Variants in RAB12 observed in about 807,000 individuals in gnomAD.
The protein encoded by RAB12 is ras-related protein Rab-12.
A neutral mutation model predicts 28.4 loss-of-function variants in RAB12; 11 were observed. That is an observed-to-expected ratio of 0.39 (90% CI 0.24 to 0.64). The LOEUF (loss-of-function observed/expected upper bound fraction) is 0.64. Among genes scored for constraint, RAB12 ranks in the 30% least tolerant of loss-of-function variants. The probability of loss-of-function intolerance (pLI) is 0.50; values close to 1 mark genes in which losing one functional copy is unlikely to be tolerated. For synonymous variants in RAB12, 138 were observed against 145.3 expected, an observed-to-expected ratio of 0.95 and a Z score of 0.36; for missense variants, 276 against 351.1, an observed-to-expected ratio of 0.79 and a Z score of 1.71.
At chr18:8,611,912 A>C (rs891692318) in intron 1 of RAB12, among the ~76,000 whole-genome samples, 10 of 152,344 alleles carry the variant, frequency 6.6e-5, no homozygotes, top group African/African-American at 2.4e-4. Flanking sequence ...TTTAGTACTC[A>C]GTGCGTGCTT....
At chr18:8,622,791 C>A (rs1481074014) in intron 1 of RAB12, among the ~76,000 whole-genome samples, 1 of 152,156 alleles carries the variant, frequency 6.6e-6, no homozygotes, top group Non-Finnish European at 1.5e-5. Flanking sequence ...ACAGCCTTGA[C>A]CATAGAAGAC....
At chr18:8,625,382 A>G (rs928587588) in intron 2 of RAB12, among the ~76,000 whole-genome samples, 2 of 152,218 alleles carry the variant, frequency 1.3e-5, no homozygotes, top group African/African-American at 4.8e-5. Context: ...GTTCATAACC[A>G]GATTTGCACA....
chr18:8,636,192 A>C, intron 4 of RAB12, 61 bp from the exon 5 acceptor site: 1 of 1,097,656 alleles, frequency 9.1e-7, no homozygotes, highest in Non-Finnish European at 1.4e-6. Context: ...CAGAGACCTC[A>C]TGCTCGCACG....
At chr18:8,630,625 T>G (rs1386079813) in intron 2 of RAB12, among the ~76,000 whole-genome samples, 2 of 152,184 alleles carry the variant, frequency 1.3e-5, no homozygotes, top group Non-Finnish European at 2.9e-5. Context: ...TGGGAGGACT[T>G]CAAATTTTAT....
At chr18:8,612,766 G>C (rs911057937) in intron 1 of RAB12, among the ~76,000 whole-genome samples, 2 of 152,196 alleles carry the variant, frequency 1.3e-5, no homozygotes, top group Non-Finnish European at 2.9e-5. Flanking sequence ...GACCTGCCAG[G>C]CTCACACAAT....
chr18:8,618,957 CTTAAT>C (rs1261070412), intron 1 of RAB12, among the ~76,000 whole-genome samples: 1 of 152,072 alleles, frequency 6.6e-6, no homozygotes, highest in African/African-American at 2.4e-5. Context: ...TAACATGTTC[CTTAAT>C]TTATTTTCTC....
chr18:8,620,832 G>A (rs2096009516), intron 1 of RAB12, among the ~76,000 whole-genome samples: 1 of 152,118 alleles, frequency 6.6e-6, no homozygotes. Context: ...GCCAAGAACT[G>A]GAACATAGAT....
At chr18:8,614,742 CG>C (rs1326791296) in intron 1 of RAB12, among the ~76,000 whole-genome samples, 1 of 152,194 alleles carries the variant, frequency 6.6e-6, no homozygotes, top group East Asian at 1.9e-4. Flanking sequence ...CTCACCACCA[CG>C]CCTGGCTAAT....
At chr18:8,623,984 A>T (rs1442653848) in intron 1 of RAB12, among the ~76,000 whole-genome samples, 1 of 152,208 alleles carries the variant, frequency 6.6e-6, no homozygotes, top group African/African-American at 2.4e-5. Flanking sequence ...GCAGCACCTC[A>T]TTGGTGCCCA....
chr18:8,636,572 T>C (rs1034654048), intron 5 of RAB12, among the ~76,000 whole-genome samples: 1 of 152,240 alleles, frequency 6.6e-6, no homozygotes, highest in Non-Finnish European at 1.5e-5. Context: ...GGTTGGTATA[T>C]GGCATACTTG....
rs752637908 is a variant in RAB12 at position 8,634,283 on chromosome 18, C to CTT, written c.714+975_714+976dup. 1.4e-3 allele frequency among the ~76,000 whole-genome samples: 134 copies of CTT among 92,588 alleles called. 1 individual carries two copies. Among genetic ancestry groups the CTT allele is most frequent in the African/African-American group, 3.3e-3 (87 of 26,198 alleles). 60.7% of individuals were successfully genotyped at this position (92,588 alleles called of 152,430 possible). A position where few individuals can be genotyped will look rare whatever the true frequency, so the allele number is the denominator to read the frequency against. On this transcript the variant is annotated intron_variant, in intron 3 of 5. Transcript: ENST00000649141. ...AGTGGGACTCCATCTCTCTCTCTCTCTTTTTTTTTTTTTTTTTTTTCATTA... is the reference window on the plus strand; with the variant it reads ...AGTGGGACTCCATCTCTCTCTCTCTCTTTTTTTTTTTTTTTTTTTTTTCATTA...
rs1567898835 is a variant in RAB12, at chr18:8,639,147, C to CTTTTTGTT, written c.*890_*891insGTTTTTTT. The CTTTTTGTT allele has an allele frequency of 4.4e-4, 7 of 16,046 alleles. No homozygotes were observed. Among genetic ancestry groups the CTTTTTGTT allele is most frequent in the Non-Finnish European group, 6.6e-4 (5 of 7,592 alleles). 1.0% of individuals were successfully genotyped at this position (16,046 alleles called of 1,614,324 possible). A position where few individuals can be genotyped will look rare whatever the true frequency, so the allele number is the denominator to read the frequency against. ...ATTCTGATTAAGCCTAGACTGTGTT[C>CTTTTTGTT]TTTTTTTTTTTTTTTTTTTTTTTTT... On this transcript the variant is annotated 3_prime_UTR_variant, in exon 6 of 6. Transcript: ENST00000649141.
At chr18:8,613,045 T>TC (rs2096004713) in intron 1 of RAB12, among the ~76,000 whole-genome samples, 2 of 152,270 alleles carry the variant, frequency 1.3e-5, no homozygotes, top group Admixed American at 1.3e-4. Flanking sequence ...GATGATGAAC[T>TC]ATTATGTAAA....
At chr18:8,624,025 C>T (rs1840891764) in intron 1 of RAB12, among the ~76,000 whole-genome samples, 1 of 152,274 alleles carries the variant, frequency 6.6e-6, no homozygotes. Context: ...TGGCCAGGGC[C>T]TTGCCCTCTG....
chr18:8,620,348 C>T (rs1406219767), intron 1 of RAB12, among the ~76,000 whole-genome samples: 1 of 152,030 alleles, frequency 6.6e-6, no homozygotes, highest in African/African-American at 2.4e-5. Context: ...TAGACCAGTT[C>T]TGTATCTAAG....
intron 2 of RAB12, among the ~76,000 whole-genome samples, chr18:8,631,756 A>G (rs952228619): frequency 2.6e-5 from 4 of 152,172 alleles, no homozygotes; most frequent in African/African-American, 9.7e-5. Flanking sequence ...TACCCTTATG[A>G]TTTATTCTAG....
intron 1 of RAB12, among the ~76,000 whole-genome samples, chr18:8,612,575 C>G (rs1408044241): frequency 6.6e-6 from 1 of 152,208 alleles, no homozygotes; most frequent in South Asian, 2.1e-4. Flanking sequence ...GGGAAGAGTC[C>G]CTGAGTGTGC....
At chr18:8,624,189 A>T (rs2096011441) in intron 1 of RAB12, among the ~76,000 whole-genome samples, 1 of 152,256 alleles carries the variant, frequency 6.6e-6, no homozygotes, top group Non-Finnish European at 1.5e-5. Context: ...TGTTTCCCTT[A>T]GTTATGAAAA....
chr18:8,618,734 G>C (rs1051791537), intron 1 of RAB12, among the ~76,000 whole-genome samples: 11 of 152,148 alleles, frequency 7.2e-5, no homozygotes, highest in Middle Eastern at 3.2e-3. Context: ...GAATGGTCTT[G>C]ATCTCCTGAT....
Sources: gnomAD v4.1 joint callset for allele counts (sites outside exome capture counted in the v4.1 genomes callset) on GRCh38, gnomAD v4.1.1 for gene constraint, MANE v1.5 for transcripts, NCBI Gene and HGNC (gene_info 2026-07-23, HGNC 2026-07-21) for gene names.